The following REPS1 variants were observed in gnomAD, a reference collection of about 807,000 sequenced individuals.
REPS1 encodes the protein RALBP1 associated Eps domain containing 1.
Under a neutral mutation model 100.9 loss-of-function variants are expected in REPS1, and 39 were observed. That is an observed-to-expected ratio of 0.39 (90% CI 0.30 to 0.50). The LOEUF (loss-of-function observed/expected upper bound fraction) is 0.50, where lower values mean the gene tolerates loss of function less well. Ranked by LOEUF, REPS1 falls within the 20% of genes least tolerant of loss-of-function variation. REPS1 has a pLI of 0.86. For synonymous variants in REPS1, 324 were observed against 340.3 expected (o/e 0.95, Z 0.53); for missense variants, 821 against 968.5 (o/e 0.85, Z 2.02).
chr6:138,922,799 G>A (rs1780865210), intron 10 of REPS1, among the ~76,000 whole-genome samples: 1 of 152,224 alleles, frequency 6.6e-6, no homozygotes, highest in South Asian at 2.1e-4. Flanking sequence ...TTAGTGTGGA[G>A]GATAATGGCC....
intron 11 of REPS1, 42 bp from the exon 12 acceptor site, chr6:138,920,358 T>C: frequency 9.6e-7 from 1 of 1,043,910 alleles, no homozygotes; most frequent in Non-Finnish European, 1.5e-6. Flanking sequence ...ACATAGGTAT[T>C]TGAACTGATA....
At chr6:138,931,119 C>T (rs1781460226) in intron 8 of REPS1, among the ~76,000 whole-genome samples, 1 of 152,104 alleles carries the variant, frequency 6.6e-6, no homozygotes, top group Admixed American at 6.6e-5. Context: ...TGTGTCTGAC[C>T]ATGGGCAAGT....
intron 1 of REPS1, among the ~76,000 whole-genome samples, chr6:138,975,799 G>A (rs1052468153): frequency 9.2e-5 from 14 of 151,906 alleles, no homozygotes; most frequent in African/African-American, 2.9e-4. Context: ...GTGCCATTGC[G>A]CTCCAGCCTG....
chr6:138,926,034 T>C (rs574797185), intron 10 of REPS1, among the ~76,000 whole-genome samples: 4 of 152,332 alleles, frequency 2.6e-5, no homozygotes, highest in Non-Finnish European at 4.4e-5. Context: ...ATGTAGGACA[T>C]ATTACATGAT....
At chr6:138,955,928 C>A (rs1274007745) in intron 1 of REPS1, among the ~76,000 whole-genome samples, 1 of 152,072 alleles carries the variant, frequency 6.6e-6, no homozygotes, top group South Asian at 2.1e-4. Context: ...AAGTATCTGG[C>A]CCAGAAATAT....
chr6:138,966,314 T>G (rs901518061), intron 1 of REPS1, among the ~76,000 whole-genome samples: 1 of 152,192 alleles, frequency 6.6e-6, no homozygotes, highest in African/African-American at 2.4e-5. Context: ...ACAGGGAAAT[T>G]TCTTTACTTA....
At chr6:138,908,434 A>C (rs1779799643) in intron 18 of REPS1, among the ~76,000 whole-genome samples, 1 of 152,084 alleles carries the variant, frequency 6.6e-6, no homozygotes, top group Admixed American at 6.6e-5. Context: ...AGCTGGGACT[A>C]CAGGTGTGTA....
chr6:138,918,607 T>C (rs1780560683), intron 12 of REPS1, among the ~76,000 whole-genome samples: 1 of 152,226 alleles, frequency 6.6e-6, no homozygotes, highest in African/African-American at 2.4e-5. Flanking sequence ...GTTACTTCTG[T>C]AATGGACAAA....
chr6:138,950,079 A>G (rs780191188), intron 1 of REPS1, among the ~76,000 whole-genome samples: 1 of 152,188 alleles, frequency 6.6e-6, no homozygotes, highest in Non-Finnish European at 1.5e-5. Flanking sequence ...GTTTTCTTCT[A>G]GAATGTTTAT....
intron 1 of REPS1, among the ~76,000 whole-genome samples, chr6:138,985,129 T>A (rs906942790): frequency 6.6e-6 from 1 of 152,206 alleles, no homozygotes; most frequent in African/African-American, 2.4e-5. Flanking sequence ...TATTCTGTTA[T>A]CCCGAAAACA....
intron 17 of REPS1, 136 bp from the exon 18 acceptor site, chr6:138,908,952 TATTTGTG>T: frequency 2.6e-6 from 2 of 759,034 alleles, no homozygotes; most frequent in Non-Finnish European, 4.1e-6. Flanking sequence ...TAAATCTATA[TATTTGTG>T]GCAAGAGCTA....
rs141354963 is a variant in REPS1 at position 138,926,627 on chromosome 6, G to A, written c.1258-146C>T. 3,541 of 613,424 alleles carry A rather than the reference G, an allele frequency of 5.8e-3. 33 individuals are homozygous for A. Among genetic ancestry groups the A allele is most frequent in the Middle Eastern group, 5.0e-3 (19 of 3,794 alleles). 38.0% of individuals were successfully genotyped at this position (613,424 alleles called of 1,614,324 possible). A position where few individuals can be genotyped will look rare whatever the true frequency, so the allele number is the denominator to read the frequency against. ...AAAATTCAGTAATTTCTATTTTTCCGTCAACATTTTATATTTATTCTGGGT... is the reference window on the plus strand; with the variant it reads ...AAAATTCAGTAATTTCTATTTTTCCATCAACATTTTATATTTATTCTGGGT... On this transcript the variant is annotated intron_variant, in intron 9 of 19. Coordinates refer to ENST00000450536, the MANE Select transcript of REPS1 (RefSeq NM_001286611.2).
chr6:138,940,734 G>C (rs1782194288), intron 8 of REPS1, among the ~76,000 whole-genome samples: 1 of 147,328 alleles, frequency 6.8e-6, no homozygotes, highest in African/African-American at 2.5e-5. Context: ...GACAGAACGA[G>C]ACTCCAACTC....
chr6:138,972,256 G>C (rs1188299466), intron 1 of REPS1, among the ~76,000 whole-genome samples: 1 of 152,174 alleles, frequency 6.6e-6, no homozygotes, highest in South Asian at 2.1e-4. Flanking sequence ...AAAGTGAGGA[G>C]AGAGTCCTGT....
chr6:138,917,444 A>T, intron 13 of REPS1, 111 bp downstream of exon 13: 1 of 797,590 alleles, frequency 1.3e-6, no homozygotes, highest in Non-Finnish European at 2.0e-6. Context: ...ATCAAAAAGT[A>T]ACCTAACAGC....
chr6:138,977,538 A>G (rs1253776683), intron 1 of REPS1, among the ~76,000 whole-genome samples: 1 of 152,188 alleles, frequency 6.6e-6, no homozygotes, highest in Non-Finnish European at 1.5e-5. Flanking sequence ...GGGTCTTGCT[A>G]TATTGCCCAG....
At chr6:138,933,678 C>T (rs1222891400) in intron 8 of REPS1, among the ~76,000 whole-genome samples, 1 of 151,918 alleles carries the variant, frequency 6.6e-6, no homozygotes, top group African/African-American at 2.4e-5. Context: ...ATAATGCCAC[C>T]CCTTTTACAA....
chr6:138,935,239 A>C (rs1254121150), intron 8 of REPS1, among the ~76,000 whole-genome samples: 1 of 152,220 alleles, frequency 6.6e-6, no homozygotes, highest in African/African-American at 2.4e-5. Context: ...ATCAAAGTAA[A>C]AATGTGTCCA....
Position 138,917,518 on chromosome 6 carries a change from A to G in REPS1, c.1601+37T>C, listed in dbSNP as rs369370238. 2.7e-5 allele frequency: 39 copies of G among 1,458,582 alleles called. No individual in the cohort carries two copies. The African/African-American group carries it at 5.0e-4, about 19-fold the overall frequency. The allele number at this position is 1,458,582 out of a possible 1,614,324, so 90.4% of individuals were successfully genotyped here. A position where few individuals can be genotyped will look rare whatever the true frequency, so the allele number is the denominator to read the frequency against. On this transcript the variant is annotated intron_variant, in intron 13 of 19. Transcript: ENST00000450536. ...GTTTTAAACATTAAAACGCAGCAAG[A>G]TAGTTTAACATGCTTTTCATTGACA...
Sources: gnomAD v4.1 joint callset for allele counts (sites outside exome capture counted in the v4.1 genomes callset) on GRCh38, gnomAD v4.1.1 for gene constraint, MANE v1.5 for transcripts, NCBI Gene and HGNC (gene_info 2026-07-23, HGNC 2026-07-21) for gene names.